TBC1D9: variants seen among roughly 807,000 people sequenced by gnomAD.
TBC1D9 encodes TBC1 domain family member 9, also known as TBC1 domain family member 9A.
A neutral mutation model predicts 132.0 loss-of-function variants in TBC1D9; 63 were observed. The observed-to-expected ratio is 0.48, with a 90% CI of 0.39 to 0.59. The LOEUF (loss-of-function observed/expected upper bound fraction) is 0.59. Among genes scored for constraint, TBC1D9 ranks in the 20% least tolerant of loss-of-function variants. The probability of loss-of-function intolerance (pLI) is 0.00; values close to 1 mark genes in which losing one functional copy is unlikely to be tolerated. For synonymous variants in TBC1D9, 610 were observed against 609.9 expected (o/e 1.00, Z 0.00); for missense variants, 1,261 against 1,592.7 (o/e 0.79, Z 3.54).
At chr4:140,711,063 G>C (rs898715328) in intron 1 of TBC1D9, among the ~76,000 whole-genome samples, 39 of 152,128 alleles carry the variant, frequency 2.6e-4, no homozygotes, top group African/African-American at 8.2e-4. Context: ...CTCTGATACG[G>C]ACCAGTGAGG....
chr4:140,727,626 G>C (rs1392744702), intron 1 of TBC1D9, among the ~76,000 whole-genome samples: 2 of 152,096 alleles, frequency 1.3e-5, no homozygotes, highest in African/African-American at 4.8e-5. Context: ...AAAATCTATT[G>C]TTCTGACTCA....
At position 140,621,891 on chromosome 4, in the gene TBC1D9, A is replaced by T; in HGVS notation, c.*304T>A. On this transcript the variant is annotated 3_prime_UTR_variant, in exon 21 of 21. Coordinates refer to ENST00000442267, the MANE Select transcript of TBC1D9 (RefSeq NM_015130.3). Reference sequence around the variant, plus strand: ...TAAACCATGTATACAGCTCAACAGCAAGATTAATAAGTTATAATACACACA... The same window carrying T: ...TAAACCATGTATACAGCTCAACAGCTAGATTAATAAGTTATAATACACACA... 1 of 246,994 alleles carries T rather than the reference A, an allele frequency of 4.0e-6. No homozygotes were observed. Among genetic ancestry groups the T allele is most frequent in the Non-Finnish European group, 7.7e-6 (1 of 130,168 alleles). 15.3% of individuals were successfully genotyped at this position (246,994 alleles called of 1,614,324 possible).
chr4:140,729,131 C>T (rs138819316), intron 1 of TBC1D9, among the ~76,000 whole-genome samples: 1 of 152,116 alleles, frequency 6.6e-6, no homozygotes, highest in Non-Finnish European at 1.5e-5. Context: ...CCTCATTTGC[C>T]ACAGCCATTA....
At chr4:140,717,072 A>ATTTTATG (rs1158303913) in intron 1 of TBC1D9, among the ~76,000 whole-genome samples, 4 of 152,220 alleles carry the variant, frequency 2.6e-5, no homozygotes, top group African/African-American at 9.6e-5. Flanking sequence ...AAAGACAGTC[A>ATTTTATG]CCTGCAAGAA....
intron 1 of TBC1D9, among the ~76,000 whole-genome samples, chr4:140,733,742 C>T (rs919886429): frequency 2.0e-5 from 3 of 152,202 alleles, no homozygotes; most frequent in South Asian, 2.1e-4. Context: ...ACTGCCTATG[C>T]GTTCTGTTTA....
At chr4:140,698,073 T>G (rs1309115387) in intron 2 of TBC1D9, among the ~76,000 whole-genome samples, 2 of 152,214 alleles carry the variant, frequency 1.3e-5, no homozygotes, top group African/African-American at 4.8e-5. Context: ...TTCTTTCTTT[T>G]TAGTTCTTCA....
chr4:140,728,681 GAGA>G (rs1013155062), intron 1 of TBC1D9, among the ~76,000 whole-genome samples: 2 of 150,522 alleles, frequency 1.3e-5, no homozygotes, highest in Non-Finnish European at 3.0e-5. Context: ...TTGTTTTTTT[GAGA>G]AGGAGACTGG....
chr4:140,654,708 TA>T (rs984996959), intron 13 of TBC1D9, among the ~76,000 whole-genome samples: 97 of 152,288 alleles, frequency 6.4e-4, no homozygotes, highest in African/African-American at 2.1e-3. Context: ...TTGGAGACAG[TA>T]AGGTGAAACA....
chr4:140,723,275 C>A (rs1478847020), intron 1 of TBC1D9, among the ~76,000 whole-genome samples: 1 of 152,186 alleles, frequency 6.6e-6, no homozygotes, highest in Non-Finnish European at 1.5e-5. Context: ...CTGCCAGTGT[C>A]CTTGAAGGGT....
intron 20 of TBC1D9, among the ~76,000 whole-genome samples, chr4:140,623,575 A>G (rs1192548885): frequency 6.6e-6 from 1 of 152,146 alleles, no homozygotes; most frequent in Non-Finnish European, 1.5e-5. Flanking sequence ...ACACTTTAGC[A>G]TGCACCTCAA....
intron 5 of TBC1D9, among the ~76,000 whole-genome samples, chr4:140,677,575 G>A (rs986283867): frequency 6.6e-6 from 1 of 152,066 alleles, no homozygotes; most frequent in African/African-American, 2.4e-5. Context: ...AACTCACCTT[G>A]GGCAACTATG....
chr4:140,746,980 A>G (rs1738845972), intron 1 of TBC1D9, among the ~76,000 whole-genome samples: 1 of 152,188 alleles, frequency 6.6e-6, no homozygotes, highest in Non-Finnish European at 1.5e-5. Flanking sequence ...CAGCCTGGGC[A>G]ATATAGTGAG....
Position 140,622,117 on chromosome 4 carries a change from A to G in TBC1D9, c.*78T>C. ...ATAAATATTTAATTTAAAAGAAAGA[A>G]AGAAAAAACTCAACACAGAAGAACA... On this transcript the variant is annotated 3_prime_UTR_variant, in exon 21 of 21. Coordinates refer to ENST00000442267, the MANE Select transcript of TBC1D9 (RefSeq NM_015130.3). 6.7e-7 allele frequency: 1 copy of G among 1,483,326 alleles called. No homozygotes were observed. Among genetic ancestry groups the G allele is most frequent in the Non-Finnish European group, 9.0e-7 (1 of 1,115,456 alleles). The allele number at this position is 1,483,326 out of a possible 1,614,324, so 91.9% of individuals were successfully genotyped here. A position where few individuals can be genotyped will look rare whatever the true frequency, so the allele number is the denominator to read the frequency against.
intron 5 of TBC1D9, among the ~76,000 whole-genome samples, chr4:140,678,307 A>T (rs1282088859): frequency 6.6e-6 from 1 of 152,184 alleles, no homozygotes; most frequent in African/African-American, 2.4e-5. Context: ...AATTCAACAT[A>T]ATCAAAGCTG....
At chr4:140,752,838 C>G (rs28707686) in intron 1 of TBC1D9, among the ~76,000 whole-genome samples, 10,644 of 152,200 alleles carry the variant, frequency 0.07, 1,251 homozygotes, top group African/African-American at 0.24. Flanking sequence ...TCTTTCCAAG[C>G]TCCCTGATGA....
chr4:140,648,391 T>G (rs1367037925), intron 13 of TBC1D9, among the ~76,000 whole-genome samples: 3 of 150,622 alleles, frequency 2.0e-5, no homozygotes, highest in East Asian at 1.9e-4. Context: ...TGTTGTTTTT[T>G]TTTTTTTTTT....
At chr4:140,633,539 A>G (rs1736830566) in intron 16 of TBC1D9, among the ~76,000 whole-genome samples, 1 of 152,170 alleles carries the variant, frequency 6.6e-6, no homozygotes, top group Non-Finnish European at 1.5e-5. Context: ...AACATTTCAT[A>G]ATGTTTTATG....
chr4:140,638,705 T>A (rs1253989290), intron 15 of TBC1D9, among the ~76,000 whole-genome samples: 1 of 152,118 alleles, frequency 6.6e-6, no homozygotes, highest in African/African-American at 2.4e-5. Flanking sequence ...ATGCTTTTCC[T>A]TGGGCACTTA....
intron 13 of TBC1D9, 51 bp from the exon 14 acceptor site, chr4:140,639,479 A>G (rs1039105310): frequency 3.9e-6 from 5 of 1,276,948 alleles, no homozygotes; most frequent in East Asian, 2.4e-5. Context: ...ACAGCACACA[A>G]TGTCCTGTCT....
Sources: allele counts gnomAD v4.1 joint callset (sites outside exome capture counted in the v4.1 genomes callset), GRCh38; gene constraint gnomAD v4.1.1; transcripts MANE v1.5; gene names NCBI Gene and HGNC (gene_info 2026-07-23, HGNC 2026-07-21).